The following LRP1B variants were observed in gnomAD, a reference collection of about 807,000 sequenced individuals.
LRP1B encodes LDL receptor related protein 1B, also known as low-density lipoprotein receptor-related protein 1B.
Under a neutral mutation model 556.6 loss-of-function variants are expected in LRP1B, and 217 were observed. The ratio of observed to expected loss-of-function variants is 0.39; its 90% CI spans 0.35 to 0.44. The LOEUF (loss-of-function observed/expected upper bound fraction) is 0.44. Among genes scored for constraint, LRP1B ranks in the 20% least tolerant of loss-of-function variants. The pLI is 1.00. For synonymous variants in LRP1B, 2,047 were observed against 1,865.8 expected, an observed-to-expected ratio of 1.10 and a Z score of -2.50; for missense variants, 5,053 against 5,620.8, an observed-to-expected ratio of 0.90 and a Z score of 3.23.
intron 32 of LRP1B, among the ~76,000 whole-genome samples, chr2:140,794,665 G>A (rs1191569598): frequency 6.6e-6 from 1 of 151,558 alleles, no homozygotes; most frequent in South Asian, 2.1e-4. Flanking sequence ...CCAGGCTGGA[G>A]TGCAATGGTA....
chr2:142,038,694 A>G (rs1703967338), intron 1 of LRP1B, among the ~76,000 whole-genome samples: 1 of 151,486 alleles, frequency 6.6e-6, no homozygotes, highest in Non-Finnish European at 1.5e-5. Context: ...TCCAGGGCTG[A>G]TTTTATCACA....
At chr2:141,854,313 G>C (rs16847368) in intron 1 of LRP1B, among the ~76,000 whole-genome samples, 13,413 of 151,920 alleles carry the variant, frequency 0.088, 620 homozygotes, top group South Asian at 0.17. Flanking sequence ...TCAAATCTCA[G>C]AGCTCAATTT....
intron 56 of LRP1B, among the ~76,000 whole-genome samples, 185 bp downstream of exon 56, chr2:140,495,380 A>T (rs1285074464): frequency 6.6e-6 from 1 of 151,778 alleles, no homozygotes; most frequent in African/African-American, 2.4e-5. Flanking sequence ...CAAGGCCATA[A>T]GGCAATGTTA....
chr2:140,287,077 C>T (rs1266768006), intron 84 of LRP1B, among the ~76,000 whole-genome samples: 1 of 151,802 alleles, frequency 6.6e-6, no homozygotes. Context: ...TTTAATTCTG[C>T]ATCTTCACCT....
chr2:140,546,727 A>C (rs1392171880), intron 43 of LRP1B, among the ~76,000 whole-genome samples: 1 of 152,040 alleles, frequency 6.6e-6, no homozygotes, highest in African/African-American at 2.4e-5. Flanking sequence ...AAACCATATC[A>C]CTTGCCTTGT....
chr2:140,522,502 C>A (rs1306184699), intron 49 of LRP1B, among the ~76,000 whole-genome samples: 3 of 151,624 alleles, frequency 2.0e-5, no homozygotes, highest in African/African-American at 7.3e-5. Context: ...AATCTGACTG[C>A]ACCTAAACGA....
intron 2 of LRP1B, among the ~76,000 whole-genome samples, chr2:141,561,853 T>C (rs1431373327): frequency 2.0e-5 from 3 of 151,886 alleles, no homozygotes; most frequent in Non-Finnish European, 2.9e-5. Flanking sequence ...CTATATACTG[T>C]AAGTCTTAAC....
intron 1 of LRP1B, among the ~76,000 whole-genome samples, chr2:141,935,467 G>T (rs1001213616): frequency 6.6e-6 from 1 of 152,122 alleles, no homozygotes; most frequent in Admixed American, 6.6e-5. Context: ...GGCCATTAAA[G>T]TTACAGAAAT....
intron 7 of LRP1B, among the ~76,000 whole-genome samples, chr2:141,137,827 T>C (rs886352073): frequency 6.6e-6 from 1 of 151,868 alleles, no homozygotes; most frequent in Non-Finnish European, 1.5e-5. Context: ...TTTTATTAGG[T>C]AGATATTGTT....
chr2:141,425,334 G>C (rs1344322634), intron 3 of LRP1B, among the ~76,000 whole-genome samples: 1 of 147,068 alleles, frequency 6.8e-6, no homozygotes, highest in African/African-American at 2.5e-5. Flanking sequence ...GGACATTTGG[G>C]TTGGTTCCAA....
chr2:141,778,767 A>G (rs1695153259), intron 2 of LRP1B, among the ~76,000 whole-genome samples: 1 of 152,246 alleles, frequency 6.6e-6, no homozygotes, highest in Non-Finnish European at 1.5e-5. Flanking sequence ...GATAGTGAAG[A>G]CAGACACTTT....
intron 2 of LRP1B, among the ~76,000 whole-genome samples, chr2:141,638,718 A>C (rs1689192955): frequency 9.0e-6 from 1 of 110,666 alleles, no homozygotes; most frequent in African/African-American, 3.1e-5. Context: ...GGCTTATGTG[A>C]CATAGTTAAT....
At chr2:140,418,385 G>T (rs1477374337) in intron 66 of LRP1B, among the ~76,000 whole-genome samples, 2 of 152,130 alleles carry the variant, frequency 1.3e-5, no homozygotes, top group African/African-American at 4.8e-5. Flanking sequence ...TTGTGAAAAA[G>T]CCAGTTGAAT....
chr2:141,138,161 T>C (rs1420365158), intron 7 of LRP1B, among the ~76,000 whole-genome samples: 4 of 152,008 alleles, frequency 2.6e-5, no homozygotes, highest in Non-Finnish European at 5.9e-5. Flanking sequence ...TAATTAATCA[T>C]ATTTACAAAT....
intron 66 of LRP1B, among the ~76,000 whole-genome samples, chr2:140,408,668 G>A (rs1053657324): frequency 2.0e-5 from 3 of 151,864 alleles, no homozygotes; most frequent in Non-Finnish European, 2.9e-5. Flanking sequence ...TACTATCTGA[G>A]GGAAAGGACA....
intron 1 of LRP1B, among the ~76,000 whole-genome samples, chr2:141,850,350 T>G (rs1697805035): frequency 6.6e-6 from 1 of 151,780 alleles, no homozygotes; most frequent in African/African-American, 2.4e-5. Context: ...TCAAAATTCT[T>G]TTGTGATCTT....
intron 7 of LRP1B, among the ~76,000 whole-genome samples, chr2:141,097,931 T>C (rs1700362031): frequency 6.6e-6 from 1 of 152,206 alleles, no homozygotes; most frequent in Non-Finnish European, 1.5e-5. Flanking sequence ...GAATGGTAGT[T>C]GCCATCTGCT....
intron 1 of LRP1B, among the ~76,000 whole-genome samples, chr2:141,889,230 T>C (rs12621414): frequency 0.44 from 66,012 of 151,730 alleles, 14,552 homozygotes; most frequent in Admixed American, 0.51. Flanking sequence ...TAAGAAAAAA[T>C]GGAAGAAACC....
At chr2:142,081,310 T>C (rs531012006) in intron 1 of LRP1B, among the ~76,000 whole-genome samples, 28 of 152,166 alleles carry the variant, frequency 1.8e-4, no homozygotes, top group Middle Eastern at 3.4e-3. Context: ...AAATAATAAT[T>C]TAGAAATGAG....
Sources: gnomAD v4.1 joint callset for allele counts (sites outside exome capture counted in the v4.1 genomes callset) on GRCh38, gnomAD v4.1.1 for gene constraint, MANE v1.5 for transcripts, NCBI Gene and HGNC (gene_info 2026-07-23, HGNC 2026-07-21) for gene names.